The following UNC13C variants were observed in gnomAD, a reference collection of about 807,000 sequenced individuals.
The protein encoded by UNC13C is protein unc-13 homolog C.
Under a neutral mutation model 245.4 loss-of-function variants are expected in UNC13C, and 174 were observed. That is an observed-to-expected ratio of 0.71 (90% CI 0.63 to 0.80). The LOEUF is 0.80. Among genes scored for constraint, UNC13C ranks in the 30% least tolerant of loss-of-function variants. The pLI is 0.00. For missense variants in UNC13C, 2,829 were observed against 2,602.9 expected (o/e 1.09, Z -1.89); for synonymous variants, 992 against 895.1 (o/e 1.11, Z -1.93).
intron 18 of UNC13C, among the ~76,000 whole-genome samples, chr15:54,397,520 A>G (rs975835388): frequency 6.6e-6 from 1 of 151,442 alleles, no homozygotes; most frequent in Admixed American, 6.6e-5. Context: ...CTCCTTTGCA[A>G]TTCCATTTAA....
chr15:54,472,191 T>C (rs1290430000), intron 19 of UNC13C, among the ~76,000 whole-genome samples: 1 of 151,816 alleles, frequency 6.6e-6, no homozygotes, highest in Non-Finnish European at 1.5e-5. Context: ...AAACTGGCTA[T>C]TTTAAGCTGA....
At chr15:54,133,201 T>A (rs2031534541) in intron 2 of UNC13C, among the ~76,000 whole-genome samples, 1 of 152,144 alleles carries the variant, frequency 6.6e-6, no homozygotes, top group Non-Finnish European at 1.5e-5. Flanking sequence ...CTTATTTTAC[T>A]TATATATGAA....
chr15:54,614,886 C>G (rs1385751197), intron 30 of UNC13C, among the ~76,000 whole-genome samples: 3 of 151,934 alleles, frequency 2.0e-5, no homozygotes, highest in Admixed American at 6.6e-5. Context: ...TTTGTTGTGA[C>G]TAATTTTAAA....
At chr15:54,552,772 C>T (rs1203461667) in intron 28 of UNC13C, among the ~76,000 whole-genome samples, 3 of 68,166 alleles carry the variant, frequency 4.4e-5, no homozygotes, top group Non-Finnish European at 7.4e-5. Flanking sequence ...ATATATAGTA[C>T]AATATATAAT....
At chr15:54,173,865 A>G (rs1439025316) in intron 4 of UNC13C, among the ~76,000 whole-genome samples, 2 of 152,096 alleles carry the variant, frequency 1.3e-5, no homozygotes, top group East Asian at 3.9e-4. Context: ...GTTGCCCTTT[A>G]TTAAGTTCAG....
At position 54,304,504 on chromosome 15, in the gene UNC13C, G is replaced by A. The variant is rs114235137; in HGVS notation, c.4268+4131G>A. On this transcript the variant is annotated intron_variant, in intron 13 of 32. Coordinates refer to ENST00000260323, the MANE Select transcript of UNC13C (RefSeq NM_001080534.3). ...CAAAACTTTAGACAGGCTTCTTTCT[G>A]CCTCTATCGCCCTGACGTCCGTTTC... Among the ~76,000 whole-genome samples the A allele has an allele frequency of 8.5e-3, 1,288 of 151,830 alleles. 24 individuals carry two copies. Among genetic ancestry groups the A allele is most frequent in the African/African-American group, 0.03 (1,246 of 41,390 alleles).
intron 4 of UNC13C, among the ~76,000 whole-genome samples, chr15:54,200,275 A>G (rs566648410): frequency 5.3e-5 from 8 of 152,228 alleles, no homozygotes; most frequent in African/African-American, 1.9e-4. Flanking sequence ...TGAGTCATCA[A>G]GACGGAAACT....
intron 2 of UNC13C, among the ~76,000 whole-genome samples, chr15:54,051,383 G>A (rs1897259865): frequency 6.6e-6 from 1 of 151,928 alleles, no homozygotes; most frequent in Non-Finnish European, 1.5e-5. Context: ...TTTTTATCTG[G>A]TGGATTGAGT....
chr15:54,525,717 C>T (rs1895421012), intron 25 of UNC13C, 80 bp downstream of exon 25: 1 of 1,145,756 alleles, frequency 8.7e-7, no homozygotes, highest in Non-Finnish European at 1.3e-6. Context: ...ATGCTGTTTC[C>T]TCTGACTGAC....
intron 17 of UNC13C, among the ~76,000 whole-genome samples, chr15:54,376,126 T>C (rs1354505149): frequency 2.6e-5 from 4 of 152,196 alleles, no homozygotes; most frequent in African/African-American, 7.2e-5. Context: ...TTTCATGTAG[T>C]ATCTAGTAGT....
At chr15:53,948,794 C>T in the UNC13C span, among the ~76,000 whole-genome samples, 8 of 151,598 alleles carry the variant, frequency 5.3e-5, no homozygotes, top group East Asian at 2.0e-4. Flanking sequence ...GAAAAGGGGA[C>T]GGTGAAGGCA....
Position 54,002,096 on chromosome 15 carries a change from C to A in UNC13C, c.-256-10552C>A, listed in dbSNP as rs988109291. On this transcript the variant is annotated intron_variant, in intron 1 of 32. Coordinates refer to ENST00000260323, the MANE Select transcript of UNC13C (RefSeq NM_001080534.3). ...AGTCAGGAGATCGAGACCATCCTGG[C>A]TAACACGGTGAAACACCGCCTCTAC... Among the ~76,000 whole-genome samples, 3 of 152,174 alleles carry A rather than the reference C, an allele frequency of 2.0e-5. No homozygotes were observed. The East Asian group carries it at 5.8e-4, about 29-fold the overall frequency.
chr15:54,132,074 C>CTTTTTTTTCTTTTTCTTTTTCTTTTTT (rs2031457953), intron 2 of UNC13C, among the ~76,000 whole-genome samples: 1 of 110,646 alleles, frequency 9.0e-6, no homozygotes, highest in Non-Finnish European at 2.0e-5. Context: ...TTTTCTTTTT[C>CTTTTTTTTCTTTTTCTTTTTCTTTTTT]TTTTTTTTTT....
At chr15:54,425,745 T>C (rs2040746523) in intron 19 of UNC13C, among the ~76,000 whole-genome samples, 2 of 151,882 alleles carry the variant, frequency 1.3e-5, no homozygotes, top group Admixed American at 1.3e-4. Context: ...TGACATAGTG[T>C]GTTTATTAGT....
Position 54,414,839 on chromosome 15 carries a change from G to A in UNC13C, c.4848-143G>A, listed in dbSNP as rs79668649. The A allele has an allele frequency of 0.028, 13,837 of 486,406 alleles. 483 individuals carry two copies. Among genetic ancestry groups the A allele is most frequent in the Admixed American group, 0.12 (3,185 of 25,644 alleles). The allele number at this position is 486,406 out of a possible 1,614,324, so 30.1% of individuals were successfully genotyped here. ...GTGTAACATTTTTTTTTTTACTTAC[G>A]AAAGTTCATAAAGAGAAATGTCATA... On this transcript the variant is annotated intron_variant, in intron 18 of 32. Coordinates refer to ENST00000260323, the MANE Select transcript of UNC13C (RefSeq NM_001080534.3).
the UNC13C span, among the ~76,000 whole-genome samples, chr15:53,880,582 C>T: frequency 6.6e-6 from 1 of 152,072 alleles, no homozygotes; most frequent in Non-Finnish European, 1.5e-5. Flanking sequence ...CTCTCGGGAC[C>T]AAATCCTGAT....
At chr15:53,860,326 A>G in the UNC13C span, among the ~76,000 whole-genome samples, 3 of 152,200 alleles carry the variant, frequency 2.0e-5, no homozygotes, top group Admixed American at 2.0e-4. Context: ...TAAAAATTTC[A>G]AAATTAAAGA....
chr15:54,595,849 T>G (rs988652676), intron 30 of UNC13C, among the ~76,000 whole-genome samples: 1 of 152,234 alleles, frequency 6.6e-6, no homozygotes. Context: ...AGACTTGATC[T>G]TTTATAGAAA....
chr15:54,171,904 T>C lies in UNC13C; in HGVS notation c.3071+28220T>C, dbSNP rs527402161. Among the ~76,000 whole-genome samples the C allele has an allele frequency of 2.6e-5, 4 of 152,124 alleles. No homozygotes were observed. The East Asian group carries it at 7.7e-4, about 29-fold the overall frequency. On this transcript the variant is annotated intron_variant, in intron 4 of 32. Transcript: ENST00000260323. ...ATAAAGAAAATGTGGTATGTATACA[T>C]AGTGGAGTATTATTGAGCCATGAAA...
Sources: gnomAD v4.1 joint callset for allele counts (sites outside exome capture counted in the v4.1 genomes callset) on GRCh38, gnomAD v4.1.1 for gene constraint, MANE v1.5 for transcripts, NCBI Gene and HGNC (gene_info 2026-07-23, HGNC 2026-07-21) for gene names.